Variants in PCOLCE2 observed in about 807,000 individuals in gnomAD.
PCOLCE2 encodes procollagen C-endopeptidase enhancer 2, also known as procollagen C-proteinase enhancer 2.
PCOLCE2 carries 42 observed loss-of-function variants against 47.0 expected under a neutral mutation model. That is an observed-to-expected ratio of 0.89 (90% confidence interval 0.70 to 1.16). PCOLCE2 has a LOEUF of 1.16. Among genes scored for constraint, PCOLCE2 ranks in the 50% most tolerant of loss-of-function variants. The pLI is 0.00. For missense variants in PCOLCE2, 500 were observed against 526.1 expected, an observed-to-expected ratio of 0.95 and a Z score of 0.49; for synonymous variants, 169 against 191.7, an observed-to-expected ratio of 0.88 and a Z score of 0.98.
chr3:142,855,787 A>G (rs4306827), intron 2 of PCOLCE2, among the ~76,000 whole-genome samples: 73,179 of 151,942 alleles, frequency 0.48, 19,346 homozygotes, highest in Non-Finnish European at 0.61. Flanking sequence ...CAGTAGAAGA[A>G]AAGTGGAGGT....
chr3:142,880,233 T>C (rs150605744), intron 2 of PCOLCE2, among the ~76,000 whole-genome samples: 1,504 of 149,010 alleles, frequency 0.01, 26 homozygotes, highest in African/African-American at 0.036. Context: ...TGTATACATA[T>C]ACATTAAAAA....
chr3:142,855,952 G>A (rs1052663947), intron 2 of PCOLCE2, among the ~76,000 whole-genome samples: 1 of 152,212 alleles, frequency 6.6e-6, no homozygotes, highest in African/African-American at 2.4e-5. Context: ...TGCACTTTGT[G>A]TTAATTACCC....
At chr3:142,836,317 C>G (rs1227507899) in intron 5 of PCOLCE2, among the ~76,000 whole-genome samples, 1 of 152,196 alleles carries the variant, frequency 6.6e-6, no homozygotes, top group Non-Finnish European at 1.5e-5. Context: ...CTTTTCTATA[C>G]ATGCTGTGGT....
intron 7 of PCOLCE2, among the ~76,000 whole-genome samples, chr3:142,821,540 T>C (rs1937015597): frequency 6.6e-6 from 1 of 152,158 alleles, no homozygotes; most frequent in Non-Finnish European, 1.5e-5. Flanking sequence ...TAGCTGTCCT[T>C]TCTTCCTGAA....
At chr3:142,882,405 A>C (rs1933642389) in intron 2 of PCOLCE2, among the ~76,000 whole-genome samples, 2 of 152,048 alleles carry the variant, frequency 1.3e-5, no homozygotes, top group Non-Finnish European at 2.9e-5. Flanking sequence ...CCCCAAGACT[A>C]AATTTTTGCT....
intron 2 of PCOLCE2, among the ~76,000 whole-genome samples, chr3:142,869,749 A>G (rs1933348287): frequency 6.6e-6 from 1 of 152,216 alleles, no homozygotes; most frequent in Admixed American, 6.5e-5. Context: ...ATGGCCTAGA[A>G]GCCCCCACAC....
chr3:142,887,337 T>C (rs1400424395), intron 2 of PCOLCE2: 1 of 185,860 alleles, frequency 5.4e-6, no homozygotes, highest in Non-Finnish European at 1.1e-5. Flanking sequence ...AAAAAACTTA[T>C]GAAGGTCATT....
chr3:142,859,631 T>C (rs1023669514), intron 2 of PCOLCE2, among the ~76,000 whole-genome samples: 2 of 152,034 alleles, frequency 1.3e-5, no homozygotes, highest in Admixed American at 1.3e-4. Flanking sequence ...AGTGGCGTGA[T>C]ATCGGCTCAC....
At chr3:142,829,527 C>T in intron 6 of PCOLCE2, 165 bp downstream of exon 6, 1 of 504,638 alleles carries the variant, frequency 2.0e-6, no homozygotes, top group Non-Finnish European at 3.5e-6. Flanking sequence ...ATTCTTACAC[C>T]CCATACCTTT....
rs535922896 is a variant in PCOLCE2 at position 142,873,786 on chromosome 3, T to C, written c.192+13883A>G. On this transcript the variant is annotated intron_variant, in intron 2 of 8. Transcript: ENST00000295992. ...ACTGACTGATAGTCACTCAAGAGAATCATATGGTGAGAGATAATGACACAC... is the reference window on the plus strand; with the variant it reads ...ACTGACTGATAGTCACTCAAGAGAACCATATGGTGAGAGATAATGACACAC... Among the ~76,000 whole-genome samples, 15 of 152,194 alleles carry C rather than the reference T, an allele frequency of 9.9e-5. No homozygotes were observed. In the South Asian group the frequency reaches 2.9e-3, roughly 29 times the overall value.
At chr3:142,885,334 AC>A (rs1351125376) in intron 2 of PCOLCE2, among the ~76,000 whole-genome samples, 1 of 152,150 alleles carries the variant, frequency 6.6e-6, no homozygotes, top group Admixed American at 6.5e-5. Flanking sequence ...TTTAAGGACC[AC>A]TCTGAGGCTT....
At chr3:142,867,023 A>C (rs1232566014) in intron 2 of PCOLCE2, among the ~76,000 whole-genome samples, 1 of 152,202 alleles carries the variant, frequency 6.6e-6, no homozygotes, top group African/African-American at 2.4e-5. Context: ...TAGAAGCCAC[A>C]TTTGCATAAT....
intron 2 of PCOLCE2, among the ~76,000 whole-genome samples, chr3:142,856,765 C>T (rs1158455130): frequency 6.6e-6 from 1 of 152,144 alleles, no homozygotes; most frequent in Non-Finnish European, 1.5e-5. Flanking sequence ...TTTCCTTTGG[C>T]CAGTGATACC....
At chr3:142,833,788 C>G (rs1361086916) in intron 5 of PCOLCE2, among the ~76,000 whole-genome samples, 6 of 152,080 alleles carry the variant, frequency 3.9e-5, no homozygotes, top group African/African-American at 1.4e-4. Context: ...GGGTGGTTAT[C>G]TGTTCCTTGT....
chr3:142,840,716 T>G (rs1937254907), intron 4 of PCOLCE2, among the ~76,000 whole-genome samples: 1 of 152,202 alleles, frequency 6.6e-6, no homozygotes. Context: ...CAGTGACTTC[T>G]TACCACTTAC....
intron 6 of PCOLCE2, chr3:142,827,666 C>T: frequency 7.1e-7 from 1 of 1,400,330 alleles, no homozygotes; most frequent in Non-Finnish European, 1.0e-6. Flanking sequence ...CTTCTTAAAC[C>T]AGTACGGGTC....
chr3:142,880,289 T>A (rs1161775618), intron 2 of PCOLCE2, among the ~76,000 whole-genome samples: 1 of 151,354 alleles, frequency 6.6e-6, no homozygotes, highest in Non-Finnish European at 1.5e-5. Flanking sequence ...CTCTATATAA[T>A]TCTAAATCCT....
Position 142,840,930 on chromosome 3 carries a change from C to T in PCOLCE2, c.573+1994G>A, listed in dbSNP as rs547802285. Among the ~76,000 whole-genome samples the T allele has an allele frequency of 3.9e-5, 6 of 152,048 alleles. No homozygotes were observed. The East Asian group carries it at 9.7e-4, about 25-fold the overall frequency. ...CTCCACTAAAAATACAAAAAATTAG[C>T]CAGGCATGGTGGCGGGTTCCTGTAG... On this transcript the variant is annotated intron_variant, in intron 4 of 8. Transcript: ENST00000295992.
At chr3:142,870,274 T>C (rs575324975) in intron 2 of PCOLCE2, among the ~76,000 whole-genome samples, 2 of 152,282 alleles carry the variant, frequency 1.3e-5, no homozygotes, top group African/African-American at 4.8e-5. Context: ...AACTCCACTA[T>C]TATGTAAAAT....
Sources: allele counts gnomAD v4.1 joint callset (sites outside exome capture counted in the v4.1 genomes callset), GRCh38; gene constraint gnomAD v4.1.1; transcripts MANE v1.5; gene names NCBI Gene and HGNC (gene_info 2026-07-23, HGNC 2026-07-21).